The following GARNL3 variants were observed in gnomAD, a reference collection of about 807,000 sequenced individuals.
The protein encoded by GARNL3 is GTPase activating Rap/RanGAP domain like 3, also known as GTPase-activating Rap/Ran-GAP domain-like protein 3.
In GARNL3, 63 loss-of-function variants were observed where a neutral mutation model predicts 125.0. The observed-to-expected ratio is 0.50, with a 90% CI of 0.41 to 0.62. The LOEUF is 0.62. GARNL3 is among the 20% of genes least tolerant of loss of function. GARNL3 has a pLI of 0.00. For synonymous variants in GARNL3, 439 were observed against 457.5 expected (o/e 0.96, Z 0.52); for missense variants, 994 against 1,244.0 (o/e 0.80, Z 3.02).
chr9:127,349,436 T>C (rs1422911213), intron 17 of GARNL3, among the ~76,000 whole-genome samples: 1 of 152,150 alleles, frequency 6.6e-6, no homozygotes, highest in East Asian at 1.9e-4. Flanking sequence ...AGATTTCTGA[T>C]TCAAAAAGTA....
At chr9:127,290,409 TG>T (rs2064379680) in intron 1 of GARNL3, among the ~76,000 whole-genome samples, 2 of 152,342 alleles carry the variant, frequency 1.3e-5, no homozygotes, top group Admixed American at 1.3e-4. Flanking sequence ...AGGTGAGAAG[TG>T]CCCCTCAGGG....
At chr9:127,381,214 A>G (rs187618996) in intron 22 of GARNL3, among the ~76,000 whole-genome samples, 1 of 152,330 alleles carries the variant, frequency 6.6e-6, no homozygotes, top group African/African-American at 2.4e-5. Flanking sequence ...TTTGTGGTCT[A>G]TAAATGATCT....
chr9:127,260,482 C>T (rs1054571068), upstream of GARNL3, among the ~76,000 whole-genome samples: 1 of 152,158 alleles, frequency 6.6e-6, no homozygotes, highest in African/African-American at 2.4e-5. Context: ...CACTGACACA[C>T]TAATCAGTTT....
chr9:127,355,916 C>T (rs1159458706), intron 20 of GARNL3, among the ~76,000 whole-genome samples: 1 of 152,014 alleles, frequency 6.6e-6, no homozygotes, highest in African/African-American at 2.4e-5. Context: ...AGCAGAGATC[C>T]AAAAGAAGTA....
chr9:127,280,920 A>G lies in GARNL3; in HGVS notation c.145-10248A>G, dbSNP rs982011308. 6.6e-6 allele frequency among the ~76,000 whole-genome samples: 1 copy of G among 152,186 alleles called. No individual in the cohort carries two copies. The highest frequency in any genetic ancestry group is 2.4e-5 in the African/African-American group (1 of 41,444). On this transcript the variant is annotated intron_variant, in intron 1 of 27. Transcript: ENST00000373387. The surrounding 1 kb of genome is among the most constrained non-coding windows in gnomAD (Gnocchi z 4.5). Reference sequence around the variant, plus strand: ...GGTGGAGGATGTGATGGGAAGTACAAAAATAATGGCTCAGAAGATTGGATG... The same window carrying G: ...GGTGGAGGATGTGATGGGAAGTACAGAAATAATGGCTCAGAAGATTGGATG...
chr9:127,323,275 T>A (rs2065458448), intron 6 of GARNL3, among the ~76,000 whole-genome samples: 1 of 152,198 alleles, frequency 6.6e-6, no homozygotes, highest in Admixed American at 6.5e-5. Flanking sequence ...ACAAGAATAT[T>A]TTAAAAATCT....
At chr9:127,335,409 G>A in intron 10 of GARNL3, 76 bp downstream of exon 10, 4 of 1,157,212 alleles carry the variant, frequency 3.5e-6, no homozygotes, top group Admixed American at 1.7e-5. Flanking sequence ...ATAGAATTAG[G>A]GGCTATGCCG....
intron 6 of GARNL3, among the ~76,000 whole-genome samples, chr9:127,324,112 A>G (rs1404750098): frequency 1.3e-5 from 2 of 152,040 alleles, no homozygotes; most frequent in Non-Finnish European, 2.9e-5. Context: ...ATAGCTGGGT[A>G]TGATGGTACA....
At chr9:127,371,958 GT>G (rs1831634185) in intron 22 of GARNL3, among the ~76,000 whole-genome samples, 1 of 152,192 alleles carries the variant, frequency 6.6e-6, no homozygotes, top group South Asian at 2.1e-4. Context: ...TTGAGAAGGA[GT>G]TTAGCTCTTG....
intron 1 of GARNL3, among the ~76,000 whole-genome samples, chr9:127,270,215 T>C (rs1011101584): frequency 5.3e-5 from 8 of 152,326 alleles, no homozygotes; most frequent in African/African-American, 1.4e-4. Context: ...GGTACCCTTG[T>C]CAGAAATCAA....
rs565754755 is a variant in GARNL3, at chr9:127,289,806, A to G, written c.145-1362A>G. 4.6e-5 allele frequency among the ~76,000 whole-genome samples: 7 copies of G among 152,358 alleles called. No homozygotes were observed. In the South Asian group the frequency reaches 1.4e-3, roughly 32 times the overall value. On this transcript the variant is annotated intron_variant, in intron 1 of 27. Transcript: ENST00000373387. ...TGGACAAGTTGAAATTCATGACTAC[A>G]CAGCCTCTTGGGCTCATCCTCAGTT...
rs369870685 is a variant in GARNL3, at chr9:127,311,772, A to G, written c.319+37A>G. On this transcript the variant is annotated intron_variant, in intron 3 of 27. Coordinates refer to ENST00000373387, the MANE Select transcript of GARNL3 (RefSeq NM_032293.5). ...ATTGTGGTGGTAGGGAAGAAAGGGT[A>G]TTCAAAATGGAAGTTAGTGTTCATA... 3.9e-5 allele frequency: 55 copies of G among 1,399,866 alleles called. No individual in the cohort carries two copies. The African/African-American group carries it at 6.8e-4, about 17-fold the overall frequency. The allele number at this position is 1,399,866 out of a possible 1,614,324, so 86.7% of individuals were successfully genotyped here.
chr9:127,267,692 C>T (rs2063733599), intron 1 of GARNL3, among the ~76,000 whole-genome samples: 1 of 152,144 alleles, frequency 6.6e-6, no homozygotes, highest in South Asian at 2.1e-4. Context: ...CGTGATGTTT[C>T]CTCTCACTTC....
At chr9:127,234,438 G>C (rs2063075073) in intron 1 of GARNL3, among the ~76,000 whole-genome samples, 1 of 152,144 alleles carries the variant, frequency 6.6e-6, no homozygotes, top group Non-Finnish European at 1.5e-5. Flanking sequence ...TTCCTGGGAG[G>C]AGAAGTTCTA....
At chr9:127,390,400 T>C (rs1832760594) in intron 26 of GARNL3, among the ~76,000 whole-genome samples, 1 of 152,246 alleles carries the variant, frequency 6.6e-6, no homozygotes, top group Non-Finnish European at 1.5e-5. Context: ...CTGTAAATCA[T>C]CTGTCCTCAT....
chr9:127,270,813 G>GT (rs1180677438), intron 1 of GARNL3, among the ~76,000 whole-genome samples: 1 of 152,152 alleles, frequency 6.6e-6, no homozygotes, highest in East Asian at 1.9e-4. Flanking sequence ...TCTTATAAAT[G>GT]TTTTTTTATT....
chr9:127,259,299 G>T (rs1055493439), upstream of GARNL3, among the ~76,000 whole-genome samples: 1 of 152,196 alleles, frequency 6.6e-6, no homozygotes, highest in Non-Finnish European at 1.5e-5. Context: ...TAACATGGAG[G>T]TCCTCAGCTC....
chr9:127,226,734 CTG>C (rs1396818215), intron 1 of GARNL3, among the ~76,000 whole-genome samples: 1 of 152,204 alleles, frequency 6.6e-6, no homozygotes, highest in Non-Finnish European at 1.5e-5. Flanking sequence ...CCACATAACA[CTG>C]CGTGTAGTTA....
chr9:127,292,826 A>G (rs1267570001), intron 2 of GARNL3, among the ~76,000 whole-genome samples: 2 of 152,178 alleles, frequency 1.3e-5, no homozygotes, highest in African/African-American at 4.8e-5. Flanking sequence ...CATGATCAGG[A>G]GTGGCTTAAG....
Sources: gnomAD v4.1 joint callset for allele counts (sites outside exome capture counted in the v4.1 genomes callset) on GRCh38, gnomAD v4.1.1 for gene constraint, Gnocchi (gnomAD v3.1) non-coding constraint, MANE v1.5 for transcripts, NCBI Gene and HGNC (gene_info 2026-07-23, HGNC 2026-07-21) for gene names.